GLRB: variants seen among roughly 807,000 people sequenced by gnomAD.
GLRB encodes the protein glycine receptor subunit beta.
GLRB carries 33 observed loss-of-function variants against 54.2 expected under a neutral mutation model. The observed-to-expected ratio is 0.61, with a 90% CI of 0.46 to 0.81. The LOEUF (loss-of-function observed/expected upper bound fraction) is 0.81, where lower values mean the gene tolerates loss of function less well. GLRB is among the 40% of genes least tolerant of loss of function. GLRB has a pLI of 0.00. For missense variants in GLRB, 572 were observed against 584.6 expected (o/e 0.98, Z 0.22); for synonymous variants, 209 against 208.2 (o/e 1.00, Z -0.03).
chr4:157,118,773 T>C (rs1412174460), intron 2 of GLRB, among the ~76,000 whole-genome samples: 2 of 151,656 alleles, frequency 1.3e-5, no homozygotes, highest in African/African-American at 2.4e-5. Context: ...TAAAGACTTT[T>C]GATTTCAATA....
intron 9 of GLRB, among the ~76,000 whole-genome samples, chr4:157,154,295 C>T (rs1161626921): frequency 2.0e-5 from 3 of 151,632 alleles, no homozygotes; most frequent in Non-Finnish European, 4.4e-5. Flanking sequence ...CTGCCATTCT[C>T]TTATGTTTGA....
intron 2 of GLRB, among the ~76,000 whole-genome samples, chr4:157,083,373 G>A (rs773349316): frequency 1.3e-5 from 2 of 148,208 alleles, no homozygotes; most frequent in Non-Finnish European, 3.0e-5. Flanking sequence ...CTACGGGGAG[G>A]GATATTTTTG....
chr4:157,135,394 A>T (rs1736363079), intron 4 of GLRB, among the ~76,000 whole-genome samples: 1 of 152,110 alleles, frequency 6.6e-6, no homozygotes, highest in Non-Finnish European at 1.5e-5. Context: ...CTTGAATTGT[A>T]GCTCCCATAA....
rs11429434 is a variant in GLRB, at chr4:157,120,433, G to GA, written c.123-118dup. 0.042 allele frequency: 14,801 copies of GA among 349,590 alleles called. 1,413 individuals are homozygous for GA. The highest frequency in any genetic ancestry group is 0.25 in the African/African-American group (11,148 of 44,998). 21.7% of individuals were successfully genotyped at this position (349,590 alleles called of 1,614,324 possible). On this transcript the variant is annotated intron_variant, in intron 2 of 9. Coordinates refer to ENST00000264428, the MANE Select transcript of GLRB (RefSeq NM_000824.5). ...AAAATAAAATAAATAAAAAAAAGAA[G>GA]AAAAAGCCATACTATAGTTGTGGAT...
chr4:157,107,700 G>A (rs1020101816), intron 2 of GLRB, among the ~76,000 whole-genome samples: 1 of 152,130 alleles, frequency 6.6e-6, no homozygotes, highest in East Asian at 1.9e-4. Flanking sequence ...AGGTGGCACA[G>A]CAAGTATTGA....
chr4:157,169,358 G>T (rs1737832435), intron 9 of GLRB, among the ~76,000 whole-genome samples: 1 of 152,084 alleles, frequency 6.6e-6, no homozygotes, highest in Non-Finnish European at 1.5e-5. Context: ...TAATATGTAA[G>T]TGCTATTCTC....
chr4:157,131,753 T>C (rs545979786), intron 4 of GLRB, among the ~76,000 whole-genome samples: 1 of 151,842 alleles, frequency 6.6e-6, no homozygotes, highest in Non-Finnish European at 1.5e-5. Flanking sequence ...TCTCATGGCT[T>C]GATTGTTCAG....
intron 2 of GLRB, among the ~76,000 whole-genome samples, chr4:157,084,278 G>A (rs990094598): frequency 6.6e-6 from 1 of 152,122 alleles, no homozygotes; most frequent in African/African-American, 2.4e-5. Context: ...GTTGAAGACT[G>A]TTTGAGTTTC....
chr4:157,150,495 A>G (rs561425781), intron 8 of GLRB, among the ~76,000 whole-genome samples: 1 of 152,168 alleles, frequency 6.6e-6, no homozygotes, highest in Admixed American at 6.5e-5. Flanking sequence ...TGTTTCTTCA[A>G]TCAGTCCCCC....
chr4:157,120,662 G>C lies in GLRB; in HGVS notation c.229G>C (p.Gly77Arg). Residue 77 changes from glycine to arginine, a missense_variant and splice_region_variant, in exon 3 of 10, where the codon GGC (glycine) becomes CGC (arginine). Physicochemically the swap from Gly to Arg is moderately radical, Grantham distance 125 (BLOSUM62 -2). Transcript: ENST00000264428. ...YDPRIRPNFK[G>R]IPVDVVVNIF... ...TCCCAGGATAAGACCAAACTTCAAAGGTTTGTCTCCCCCATATAAATGTTC... is the reference window on the plus strand; with the variant it reads ...TCCCAGGATAAGACCAAACTTCAAACGTTTGTCTCCCCCATATAAATGTTC... 7.2e-7 allele frequency: 1 copy of C among 1,385,826 alleles called. No homozygotes were observed. The highest frequency in any genetic ancestry group is 1.0e-6 in the Non-Finnish European group (1 of 975,274). The allele number at this position is 1,385,826 out of a possible 1,614,324, so 85.8% of individuals were successfully genotyped here. A position where few individuals can be genotyped will look rare whatever the true frequency, so the allele number is the denominator to read the frequency against.
chr4:157,101,817 G>A (rs543709409), intron 2 of GLRB, among the ~76,000 whole-genome samples: 8 of 138,086 alleles, frequency 5.8e-5, no homozygotes, highest in South Asian at 2.3e-4. Flanking sequence ...TTTTTTTGGT[G>A]GGGGGGAGGG....
intron 9 of GLRB, among the ~76,000 whole-genome samples, chr4:157,170,093 A>T (rs541279004): frequency 6.6e-6 from 1 of 152,136 alleles, no homozygotes; most frequent in Non-Finnish European, 1.5e-5. Context: ...ATGGTTAAAT[A>T]TTGGAGCAAA....
intron 4 of GLRB, among the ~76,000 whole-genome samples, chr4:157,126,343 G>T (rs1254578604): frequency 6.6e-6 from 1 of 151,586 alleles, no homozygotes; most frequent in Non-Finnish European, 1.5e-5. Context: ...ATTCCTTAAG[G>T]TCTTCCATAT....
chr4:157,148,420 A>G (rs971508173), intron 8 of GLRB, among the ~76,000 whole-genome samples: 5 of 151,876 alleles, frequency 3.3e-5, no homozygotes, highest in African/African-American at 1.2e-4. Flanking sequence ...TTTGCATTTA[A>G]TTTGATCTCT....
At chr4:157,120,843 G>A (rs1474892891) in intron 3 of GLRB, among the ~76,000 whole-genome samples, 181 bp downstream of exon 3, 2 of 151,756 alleles carry the variant, frequency 1.3e-5, no homozygotes, top group Non-Finnish European at 1.5e-5. Context: ...ATATTCAGAT[G>A]AGTAAAATAT....
rs1259930055 is a variant in GLRB at position 157,083,291 on chromosome 4, CTG to C, written c.122+5148_122+5149del. 2.0e-5 allele frequency among the ~76,000 whole-genome samples: 3 copies of C among 152,066 alleles called. No homozygotes were observed. In the East Asian group the frequency reaches 5.8e-4, roughly 29 times the overall value. Reference sequence around the variant, plus strand: ...AAATTGTCTCCAAAGTTTTAAAAAACTGTGATGGTGATGAGAAAGTAGACTTT... The same window carrying C: ...AAATTGTCTCCAAAGTTTTAAAAAACTGATGGTGATGAGAAAGTAGACTTT... On this transcript the variant is annotated intron_variant, in intron 2 of 9. Coordinates refer to ENST00000264428, the MANE Select transcript of GLRB (RefSeq NM_000824.5).
intron 2 of GLRB, among the ~76,000 whole-genome samples, chr4:157,117,126 A>G (rs1735636342): frequency 6.6e-6 from 1 of 151,750 alleles, no homozygotes; most frequent in Admixed American, 6.6e-5. Flanking sequence ...TATTTTCAGT[A>G]CTAATGATTT....
chr4:157,161,351 G>A (rs11944477), intron 9 of GLRB, among the ~76,000 whole-genome samples: 6,915 of 152,194 alleles, frequency 0.045, 241 homozygotes, highest in African/African-American at 0.097. Flanking sequence ...ATATTGTTAT[G>A]TGTGAATTTG....
At chr4:157,123,667 C>T (rs1205542421) in intron 4 of GLRB, among the ~76,000 whole-genome samples, 1 of 151,730 alleles carries the variant, frequency 6.6e-6, no homozygotes, top group Non-Finnish European at 1.5e-5. Context: ...CTATAGCACT[C>T]ATTAACTGAA....
Sources: allele counts gnomAD v4.1 joint callset (sites outside exome capture counted in the v4.1 genomes callset), GRCh38; gene constraint gnomAD v4.1.1; transcripts MANE v1.5; gene names NCBI Gene and HGNC (gene_info 2026-07-23, HGNC 2026-07-21).